Variants in TAFA1 observed in about 807,000 individuals in gnomAD.
TAFA1 encodes the protein chemokine-like protein TAFA-1.
In TAFA1, 4 loss-of-function variants were observed where a neutral mutation model predicts 18.5. The observed-to-expected ratio is 0.22, with a 90% confidence interval of 0.11 to 0.49. The LOEUF (loss-of-function observed/expected upper bound fraction) is 0.49, where lower values mean the gene tolerates loss of function less well. Ranked by LOEUF, TAFA1 falls within the 20% of genes least tolerant of loss-of-function variation. The pLI is 0.98. For missense variants in TAFA1, 147 were observed against 169.0 expected, an observed-to-expected ratio of 0.87 and a Z score of 0.72; for synonymous variants, 56 against 55.2, an observed-to-expected ratio of 1.01 and a Z score of -0.06.
intron 2 of TAFA1, among the ~76,000 whole-genome samples, chr3:68,395,517 T>C (rs1377626286): frequency 2.0e-5 from 3 of 152,240 alleles, no homozygotes; most frequent in East Asian, 1.9e-4. Context: ...ATACGTTTAC[T>C]GCAGTACTGT....
intron 2 of TAFA1, among the ~76,000 whole-genome samples, chr3:68,223,504 G>T (rs146659479): frequency 1.3e-5 from 2 of 150,724 alleles, no homozygotes; most frequent in East Asian, 3.9e-4. Context: ...ATGTGTCTAC[G>T]CCTGTATGTA....
intron 2 of TAFA1, among the ~76,000 whole-genome samples, chr3:68,374,412 C>G (rs2069769051): frequency 6.6e-6 from 1 of 152,182 alleles, no homozygotes; most frequent in Non-Finnish European, 1.5e-5. Flanking sequence ...AAGTTAACCA[C>G]TCTCAATTGC....
At chr3:68,236,576 G>T (rs1320255100) in intron 2 of TAFA1, among the ~76,000 whole-genome samples, 3 of 152,168 alleles carry the variant, frequency 2.0e-5, no homozygotes, top group Non-Finnish European at 4.4e-5. Context: ...CCAACTGCAT[G>T]ATGGGAAAAA....
At chr3:68,313,145 C>G (rs569665995) in intron 2 of TAFA1, among the ~76,000 whole-genome samples, 1 of 152,244 alleles carries the variant, frequency 6.6e-6, no homozygotes, top group South Asian at 2.1e-4. Flanking sequence ...AATATGGGAG[C>G]TACAAGATGA....
At chr3:68,302,252 C>T in intron 2 of TAFA1, among the ~76,000 whole-genome samples, 1 of 152,140 alleles carries the variant, frequency 6.6e-6, no homozygotes, top group African/African-American at 2.4e-5. Flanking sequence ...GTCCAGTGAC[C>T]TCTAACTGCT....
At chr3:68,213,758 C>CAGTAAATGT (rs1047372129) in intron 2 of TAFA1, among the ~76,000 whole-genome samples, 2 of 152,042 alleles carry the variant, frequency 1.3e-5, no homozygotes, top group African/African-American at 4.8e-5. Context: ...ATTGCACTCA[C>CAGTAAATGT]AGTAAATGTC....
rs373192184 is a variant in TAFA1 at position 68,417,231 on chromosome 3, G to A, written c.119-49G>A. 1.1e-5 allele frequency: 18 copies of A among 1,577,280 alleles called. No individual in the cohort carries two copies. The African/African-American group carries it at 1.8e-4, about 15-fold the overall frequency. On this transcript the variant is annotated intron_variant, in intron 2 of 4. Coordinates refer to ENST00000478136, the MANE Select transcript of TAFA1 (RefSeq NM_213609.4). ...ACATGCACTCCCAGGGGCTCGAATA[G>A]TCACTGAGTTATTTCTAATCAGTGT...
At chr3:68,468,173 A>G (rs755195506) in intron 3 of TAFA1, among the ~76,000 whole-genome samples, 2 of 152,210 alleles carry the variant, frequency 1.3e-5, no homozygotes, top group Non-Finnish European at 2.9e-5. Context: ...CTTTTTGACT[A>G]TTTTAAGGAT....
intron 3 of TAFA1, among the ~76,000 whole-genome samples, chr3:68,445,490 A>G (rs1454808984): frequency 2.6e-5 from 4 of 152,194 alleles, no homozygotes; most frequent in African/African-American, 9.6e-5. Context: ...AATTCTCCAT[A>G]GATATTTATA....
chr3:68,076,116 T>G (rs1280064693), intron 2 of TAFA1, among the ~76,000 whole-genome samples: 1 of 152,194 alleles, frequency 6.6e-6, no homozygotes, highest in Non-Finnish European at 1.5e-5. Flanking sequence ...CCACTGTTAT[T>G]TAAGCATTCT....
chr3:68,037,749 G>A (rs1019262900), intron 2 of TAFA1, among the ~76,000 whole-genome samples: 3 of 152,166 alleles, frequency 2.0e-5, no homozygotes, highest in Non-Finnish European at 2.9e-5. Flanking sequence ...CAGAGGCAAC[G>A]TGGAGAGAGA....
At chr3:68,390,076 A>G (rs754909513) in intron 2 of TAFA1, among the ~76,000 whole-genome samples, 1 of 152,186 alleles carries the variant, frequency 6.6e-6, no homozygotes, top group Non-Finnish European at 1.5e-5. Context: ...CCCTACCCCC[A>G]TGGAACTCAA....
At chr3:68,174,800 T>C (rs1043917946) in intron 2 of TAFA1, among the ~76,000 whole-genome samples, 1 of 152,178 alleles carries the variant, frequency 6.6e-6, no homozygotes, top group Non-Finnish European at 1.5e-5. Context: ...TTTGCATAAG[T>C]AACAAGGAAC....
At chr3:68,077,936 C>G (rs2064848160) in intron 2 of TAFA1, among the ~76,000 whole-genome samples, 1 of 152,114 alleles carries the variant, frequency 6.6e-6, no homozygotes. Flanking sequence ...TTCTTCCTAC[C>G]CATGAGCATG....
At chr3:68,503,461 T>C (rs764162149) in intron 3 of TAFA1, among the ~76,000 whole-genome samples, 1 of 152,116 alleles carries the variant, frequency 6.6e-6, no homozygotes, top group Non-Finnish European at 1.5e-5. Flanking sequence ...TCCACTGATA[T>C]GAAATGTCCA....
chr3:68,275,937 T>C (rs555716883), intron 2 of TAFA1, among the ~76,000 whole-genome samples: 1 of 152,140 alleles, frequency 6.6e-6, no homozygotes, highest in Non-Finnish European at 1.5e-5. Flanking sequence ...AGATGGTAAG[T>C]ACCTGAGCAT....
intron 2 of TAFA1, among the ~76,000 whole-genome samples, chr3:68,157,112 A>G (rs1463047924): frequency 6.6e-6 from 1 of 152,226 alleles, no homozygotes; most frequent in Non-Finnish European, 1.5e-5. Context: ...TATAGAAAAC[A>G]TGTTTGGAGC....
rs1306826948 is a variant in TAFA1 at position 68,248,856 on chromosome 3, T to C, written c.119-168424T>C. On this transcript the variant is annotated intron_variant, in intron 2 of 4. Transcript: ENST00000478136. The stretch of plus-strand genomic sequence containing the variant: ...ACTGCATGATGTTTGCAGGCAGTTG[T>C]AGTTTTCCTGTCCAGCCCACAGCCA... Among the ~76,000 whole-genome samples the C allele has an allele frequency of 3.9e-5, 6 of 152,204 alleles. No individual in the cohort carries two copies. In the South Asian group the frequency reaches 1.2e-3, roughly 32 times the overall value.
At chr3:68,203,150 A>C (rs1172451829) in intron 2 of TAFA1, among the ~76,000 whole-genome samples, 1 of 151,712 alleles carries the variant, frequency 6.6e-6, no homozygotes, top group Non-Finnish European at 1.5e-5. Context: ...TAGTTTCTGA[A>C]GGGAAGTTGG....
Sources: allele counts gnomAD v4.1 joint callset (sites outside exome capture counted in the v4.1 genomes callset), GRCh38; gene constraint gnomAD v4.1.1; transcripts MANE v1.5; gene names NCBI Gene and HGNC (gene_info 2026-07-23, HGNC 2026-07-21).